Variants in VRK2 observed in about 807,000 individuals in gnomAD.
VRK2 encodes the protein serine/threonine-protein kinase VRK2.
VRK2 carries 60 observed loss-of-function variants against 57.6 expected under a neutral mutation model. That is an observed-to-expected ratio of 1.04 (90% CI 0.85 to 1.29). The LOEUF (loss-of-function observed/expected upper bound fraction) is 1.29. Among genes scored for constraint, VRK2 ranks in the 50% most tolerant of loss-of-function variants. The pLI, the probability that VRK2 is intolerant of heterozygous loss-of-function variation, is 0.00. For missense variants in VRK2, 705 were observed against 588.1 expected, an observed-to-expected ratio of 1.20 and a Z score of -2.06; for synonymous variants, 231 against 199.2, an observed-to-expected ratio of 1.16 and a Z score of -1.35.
At chr2:58,140,437 G>A (rs990098699) in intron 11 of VRK2, among the ~76,000 whole-genome samples, 3 of 151,968 alleles carry the variant, frequency 2.0e-5, no homozygotes, top group Non-Finnish European at 2.9e-5. Flanking sequence ...TTAGACTGCC[G>A]TTATTAGCAA....
At chr2:58,016,318 T>C (rs1673581557) in intron 1 of VRK2, among the ~76,000 whole-genome samples, 1 of 151,800 alleles carries the variant, frequency 6.6e-6, no homozygotes, top group Admixed American at 6.5e-5. Flanking sequence ...GAATGTCTAA[T>C]TTGCAGATTC....
intron 3 of VRK2, among the ~76,000 whole-genome samples, chr2:58,035,042 T>A (rs1253860798): frequency 6.6e-6 from 1 of 151,998 alleles, no homozygotes; most frequent in East Asian, 1.9e-4. Flanking sequence ...TGGTATTAAT[T>A]GGTTAGTATG....
At chr2:58,141,553 A>G (rs759485535) in intron 11 of VRK2, among the ~76,000 whole-genome samples, 2 of 151,986 alleles carry the variant, frequency 1.3e-5, no homozygotes, top group Admixed American at 1.3e-4. Flanking sequence ...CTGTTAAGAA[A>G]TGTATGTGAT....
chr2:57,988,523 C>G (rs1318401266), intron 1 of VRK2, among the ~76,000 whole-genome samples: 1 of 152,116 alleles, frequency 6.6e-6, no homozygotes, highest in East Asian at 1.9e-4. Context: ...AAAGATCCAC[C>G]CTAATCAATA....
chr2:58,113,870 C>T (rs1348103515), intron 7 of VRK2, among the ~76,000 whole-genome samples: 1 of 152,110 alleles, frequency 6.6e-6, no homozygotes, highest in Non-Finnish European at 1.5e-5. Context: ...ATTCCTGCTT[C>T]CTTATATTAA....
At chr2:58,045,355 A>C (rs1007997193), upstream of VRK2, among the ~76,000 whole-genome samples, 1 of 152,186 alleles carries the variant, frequency 6.6e-6, no homozygotes, top group African/African-American at 2.4e-5. Flanking sequence ...ACCTACAAGT[A>C]ATCTGCTGTG....
At chr2:58,137,078 A>ATATATATGTGTATATAT (rs1558686028) in intron 10 of VRK2, among the ~76,000 whole-genome samples, 36 of 109,894 alleles carry the variant, frequency 3.3e-4, no homozygotes, top group African/African-American at 1.2e-3. Flanking sequence ...ATCATATATA[A>ATATATATGTGTATATAT]CATATATATG....
At chr2:58,109,076 T>G (rs1675173718) in intron 7 of VRK2, among the ~76,000 whole-genome samples, 1 of 152,206 alleles carries the variant, frequency 6.6e-6, no homozygotes, top group Non-Finnish European at 1.5e-5. Context: ...TATTTCCTGT[T>G]TATTATGCTT....
At chr2:57,928,558 T>A (rs1670617919) in intron 1 of VRK2, among the ~76,000 whole-genome samples, 1 of 152,150 alleles carries the variant, frequency 6.6e-6, no homozygotes, top group African/African-American at 2.4e-5. Context: ...GTTCATTTGG[T>A]GAGGTCAGGT....
intron 1 of VRK2, among the ~76,000 whole-genome samples, chr2:57,995,392 T>C (rs2104095078): frequency 6.6e-6 from 1 of 152,264 alleles, no homozygotes; most frequent in African/African-American, 2.4e-5. Context: ...GGATACAAAT[T>C]TTCCAAAAAC....
At chr2:58,048,561 C>G in intron 1 of VRK2, 5 of 1,395,478 alleles carry the variant, frequency 3.6e-6, no homozygotes, top group Non-Finnish European at 4.8e-6. Context: ...GCTATAGAAC[C>G]CCGAAATGAA....
At chr2:57,922,569 T>A (rs970124752) in intron 1 of VRK2, among the ~76,000 whole-genome samples, 1 of 151,914 alleles carries the variant, frequency 6.6e-6, no homozygotes, top group African/African-American at 2.4e-5. Flanking sequence ...AGATTTTGAA[T>A]ATTCTTTTCA....
chr2:57,987,037 C>T (rs938786949), intron 1 of VRK2, among the ~76,000 whole-genome samples: 1 of 152,066 alleles, frequency 6.6e-6, no homozygotes, highest in South Asian at 2.1e-4. Flanking sequence ...CTACCTCACA[C>T]CATATACAAA....
At chr2:57,962,379 GC>G (rs1192497423) in intron 1 of VRK2, among the ~76,000 whole-genome samples, 2 of 152,002 alleles carry the variant, frequency 1.3e-5, no homozygotes, top group Non-Finnish European at 2.9e-5. Flanking sequence ...GACCAACTCT[GC>G]CCCAATCCTG....
intron 1 of VRK2, among the ~76,000 whole-genome samples, chr2:58,006,447 T>A (rs1426374737): frequency 6.6e-6 from 1 of 152,156 alleles, no homozygotes; most frequent in Non-Finnish European, 1.5e-5. Flanking sequence ...CCATTTAAGA[T>A]CCATTCACTT....
At chr2:58,015,368 T>A (rs564108146) in intron 1 of VRK2, among the ~76,000 whole-genome samples, 1 of 152,236 alleles carries the variant, frequency 6.6e-6, no homozygotes, top group African/African-American at 2.4e-5. Context: ...TGCTTGGCTA[T>A]GAATCCTGGC....
At chr2:57,982,849 T>C (rs1051089816) in intron 1 of VRK2, among the ~76,000 whole-genome samples, 4 of 152,194 alleles carry the variant, frequency 2.6e-5, no homozygotes, top group African/African-American at 9.7e-5. Context: ...AGTGCAGCCG[T>C]TCCCACACCA....
At chr2:57,936,074 A>G (rs1395055168) in intron 1 of VRK2, among the ~76,000 whole-genome samples, 1 of 152,164 alleles carries the variant, frequency 6.6e-6, no homozygotes, top group African/African-American at 2.4e-5. Flanking sequence ...AGCTCCCATC[A>G]TCTTTATTAA....
intron 1 of VRK2, among the ~76,000 whole-genome samples, chr2:58,007,095 G>A (rs750554109): frequency 2.6e-5 from 4 of 151,798 alleles, no homozygotes; most frequent in African/African-American, 9.7e-5. Context: ...CAGTTCTTTA[G>A]ACTAAGACTG....
Sources: gnomAD v4.1 joint callset for allele counts (sites outside exome capture counted in the v4.1 genomes callset) on GRCh38, gnomAD v4.1.1 for gene constraint, MANE v1.5 for transcripts, NCBI Gene and HGNC (gene_info 2026-07-23, HGNC 2026-07-21) for gene names.